Variants in ZHX3 observed in about 807,000 individuals in gnomAD.
The protein encoded by ZHX3 is zinc fingers and homeoboxes protein 3.
In ZHX3, 20 loss-of-function variants were observed where a neutral mutation model predicts 64.5. That is an observed-to-expected ratio of 0.31 (90% CI 0.22 to 0.45). The LOEUF (loss-of-function observed/expected upper bound fraction) is 0.45. ZHX3 is among the 20% of genes least tolerant of loss of function. The pLI is 1.00. For synonymous variants in ZHX3, 423 were observed against 461.6 expected (o/e 0.92, Z 1.07); for missense variants, 1,041 against 1,195.8 (o/e 0.87, Z 1.91).
intron 2 of ZHX3, among the ~76,000 whole-genome samples, chr20:41,233,291 T>G (rs1339302648): frequency 6.6e-6 from 1 of 152,238 alleles, no homozygotes; most frequent in African/African-American, 2.4e-5. Context: ...CCTGCTATGT[T>G]GTGGTGTATA....
chr20:41,280,214 A>G (rs1458596943), intron 1 of ZHX3, among the ~76,000 whole-genome samples: 1 of 152,176 alleles, frequency 6.6e-6, no homozygotes, highest in Non-Finnish European at 1.5e-5. Flanking sequence ...TTGTGCTGAG[A>G]GAACCCACTA....
intron 2 of ZHX3, among the ~76,000 whole-genome samples, chr20:41,267,806 C>T (rs2042936398): frequency 2.0e-5 from 3 of 152,140 alleles, no homozygotes; most frequent in African/African-American, 7.2e-5. Flanking sequence ...GGCTCCAAAG[C>T]AGGAATATTT....
intron 2 of ZHX3, among the ~76,000 whole-genome samples, chr20:41,220,359 T>C (rs2039851332): frequency 2.6e-5 from 4 of 152,308 alleles, no homozygotes; most frequent in Middle Eastern, 3.4e-3. Context: ...AAACATGGCA[T>C]GATTGGAGAG....
chr20:41,313,660 A>G (rs897540813), intron 1 of ZHX3, among the ~76,000 whole-genome samples: 3 of 129,412 alleles, frequency 2.3e-5, no homozygotes, highest in Admixed American at 1.0e-4. Flanking sequence ...TGCAGTGGCG[A>G]GATCTCAGCT....
At chr20:41,314,764 T>C (rs2045239866) in intron 1 of ZHX3, among the ~76,000 whole-genome samples, 1 of 152,232 alleles carries the variant, frequency 6.6e-6, no homozygotes, top group Non-Finnish European at 1.5e-5. Context: ...GAGATTGTCA[T>C]TTTAACTCAT....
Position 41,202,028 on chromosome 20 carries a change from G to A in ZHX3, c.2860+29C>T, listed in dbSNP as rs754800343. On this transcript the variant is annotated intron_variant, in intron 3 of 3. Transcript: ENST00000683867. The surrounding 1 kb of genome is among the most constrained non-coding windows in gnomAD (Gnocchi z 7.0). ...GTGCCTCCTCCCCTTACCCACACAG[G>A]ATAGCCATGGCCCCTGTGGACTCCT... is the stretch of plus-strand genomic sequence containing the variant. 1.4e-5 allele frequency: 22 copies of A among 1,550,734 alleles called. No individual in the cohort carries two copies. Among genetic ancestry groups the A allele is most frequent in the Admixed American group, 5.8e-5 (3 of 51,962 alleles).
intron 3 of ZHX3, among the ~76,000 whole-genome samples, chr20:41,190,958 C>G (rs1274975461): frequency 6.6e-6 from 1 of 152,064 alleles, no homozygotes; most frequent in Non-Finnish European, 1.5e-5. Context: ...TCTTGCTGTC[C>G]TTAGAATTAT....
intron 1 of ZHX3, among the ~76,000 whole-genome samples, chr20:41,276,910 ATAC>A (rs2043410298): frequency 6.6e-6 from 1 of 152,384 alleles, no homozygotes; most frequent in East Asian, 1.9e-4. Context: ...ACACAATAGA[ATAC>A]TACTCAGCAA....
At chr20:41,305,770 C>T (rs2044960687) in intron 1 of ZHX3, among the ~76,000 whole-genome samples, 1 of 151,816 alleles carries the variant, frequency 6.6e-6, no homozygotes, top group Non-Finnish European at 1.5e-5. Flanking sequence ...GGTGACAGAG[C>T]GAGACTCTGT....
At chr20:41,274,323 C>T (rs2043284355) in intron 1 of ZHX3, among the ~76,000 whole-genome samples, 1 of 152,166 alleles carries the variant, frequency 6.6e-6, no homozygotes, top group Non-Finnish European at 1.5e-5. Context: ...TAACAGACTT[C>T]GCAGAACAGT....
chr20:41,199,831 GCTGGGATTA>G (rs1470257936), intron 3 of ZHX3, among the ~76,000 whole-genome samples: 1 of 151,704 alleles, frequency 6.6e-6, no homozygotes, highest in Non-Finnish European at 1.5e-5. Flanking sequence ...CTCCCAAATA[GCTGGGATTA>G]CAGGCACTCA....
At chr20:41,282,806 T>C (rs997178401) in intron 1 of ZHX3, among the ~76,000 whole-genome samples, 1 of 152,250 alleles carries the variant, frequency 6.6e-6, no homozygotes, top group African/African-American at 2.4e-5. Context: ...GTTTCTAACA[T>C]TTCCTAAAGA....
In ZHX3 at chr20:41,232,016, AG is replaced by A. The variant is rs1480811764; in HGVS notation, c.-150-26951del. On this transcript the variant is annotated intron_variant, in intron 2 of 3. Transcript: ENST00000683867. The surrounding 1 kb of genome is among the most constrained non-coding windows in gnomAD (Gnocchi z 5.0). Reference sequence around the variant, plus strand: ...TAAAACAACCACATTCCGTACCATTAGACGCTGACAGCCCAGACCCCACCAA... The same window carrying A: ...TAAAACAACCACATTCCGTACCATTAACGCTGACAGCCCAGACCCCACCAA... Among the ~76,000 whole-genome samples the A allele has an allele frequency of 4.6e-5, 7 of 152,344 alleles. No individual in the cohort carries two copies. Among genetic ancestry groups the A allele is most frequent in the Admixed American group, 4.6e-4 (7 of 15,302 alleles).
intron 1 of ZHX3, among the ~76,000 whole-genome samples, chr20:41,306,977 T>C (rs368110977): frequency 6.6e-6 from 1 of 152,324 alleles, no homozygotes; most frequent in East Asian, 1.9e-4. Context: ...GGTCCAGCTA[T>C]AGCTAACCTA....
At chr20:41,263,588 G>A (rs933825426) in intron 2 of ZHX3, among the ~76,000 whole-genome samples, 5 of 151,868 alleles carry the variant, frequency 3.3e-5, no homozygotes, top group Admixed American at 6.6e-5. Context: ...TACTAGAGAC[G>A]GGGTTTCACC....
intron 2 of ZHX3, among the ~76,000 whole-genome samples, chr20:41,251,109 T>G (rs890623642): frequency 6.6e-6 from 1 of 152,186 alleles, no homozygotes; most frequent in Non-Finnish European, 1.5e-5. Context: ...AAAAGAATTC[T>G]GAAGCATCAA....
chr20:41,227,401 GCAAA>G (rs1199665085), intron 2 of ZHX3, among the ~76,000 whole-genome samples: 50 of 152,278 alleles, frequency 3.3e-4, no homozygotes, highest in African/African-American at 1.2e-3. Flanking sequence ...CTGTGATGGT[GCAAA>G]ATATAAAACT....
chr20:41,241,621 C>A (rs576553713), intron 2 of ZHX3, among the ~76,000 whole-genome samples: 1 of 152,186 alleles, frequency 6.6e-6, no homozygotes, highest in African/African-American at 2.4e-5. Context: ...TGTTTTTATG[C>A]CAATATCATG....
chr20:41,234,659 T>C (rs574181520), intron 2 of ZHX3, among the ~76,000 whole-genome samples: 1 of 152,364 alleles, frequency 6.6e-6, no homozygotes, highest in South Asian at 2.1e-4. Context: ...CCCAACCCGA[T>C]TACAGTGTAA....
Sources: allele counts gnomAD v4.1 joint callset (sites outside exome capture counted in the v4.1 genomes callset), GRCh38; gene constraint gnomAD v4.1.1; non-coding constraint Gnocchi (gnomAD v3.1); transcripts MANE v1.5; gene names NCBI Gene and HGNC (gene_info 2026-07-23, HGNC 2026-07-21).